PDGFC: variants seen among roughly 807,000 people sequenced by gnomAD.
PDGFC encodes the protein platelet derived growth factor C, also known as platelet-derived growth factor C.
In PDGFC, 12 loss-of-function variants were observed where a neutral mutation model predicts 35.5. The ratio of observed to expected loss-of-function variants is 0.34; its 90% confidence interval spans 0.22 to 0.55. The LOEUF (loss-of-function observed/expected upper bound fraction) is 0.55. Among genes scored for constraint, PDGFC ranks in the 20% least tolerant of loss-of-function variants. PDGFC has a pLI of 0.91. For synonymous variants in PDGFC, 159 were observed against 148.8 expected, an observed-to-expected ratio of 1.07 and a Z score of -0.50; for missense variants, 322 against 412.4, an observed-to-expected ratio of 0.78 and a Z score of 1.90.
intron 1 of PDGFC, among the ~76,000 whole-genome samples, chr4:156,887,645 T>C (rs1183322524): frequency 6.6e-6 from 1 of 152,018 alleles, no homozygotes. Context: ...AAATAGAAAA[T>C]TGAAACTTAT....
Position 156,776,228 on chromosome 4 carries a change from G to GA in PDGFC, c.496-3336dup, listed in dbSNP as rs371204464. On this transcript the variant is annotated intron_variant, in intron 3 of 5. Transcript: ENST00000502773. ...CATTTTCTCCCATAATTAGTATCTA[G>GA]AAAATTCTAACAATACTTTTGATAT... Among the ~76,000 whole-genome samples the GA allele has an allele frequency of 4.2e-3, 645 of 152,286 alleles. 7 individuals are homozygous for GA. Among genetic ancestry groups the GA allele is most frequent in the African/African-American group, 0.015 (613 of 41,554 alleles).
rs540338139 is a variant in PDGFC at position 156,970,915 on chromosome 4, G to C, written c.-12C>G. ...CCGAAGAGGCTCATTTGGCTGACTG[G>C]GGTGAGAGCTCACTCACGGCGGGCA... On this transcript the variant is annotated 5_prime_UTR_variant, in exon 1 of 6. Transcript: ENST00000502773. 1 of 1,570,914 alleles carries C rather than the reference G, an allele frequency of 6.4e-7. No individual in the cohort carries two copies. The highest frequency in any genetic ancestry group is 8.8e-7 in the Non-Finnish European group (1 of 1,141,426).
chr4:156,943,240 C>T (rs1200866171), intron 1 of PDGFC, among the ~76,000 whole-genome samples: 1 of 152,026 alleles, frequency 6.6e-6, no homozygotes, highest in African/African-American at 2.4e-5. Context: ...GGAATTAATA[C>T]CTATGATGTA....
chr4:156,798,570 G>T (rs550471661), intron 3 of PDGFC, among the ~76,000 whole-genome samples: 2 of 152,212 alleles, frequency 1.3e-5, no homozygotes, highest in Non-Finnish European at 2.9e-5. Flanking sequence ...ATCAGTAATA[G>T]GATTAGGATA....
intron 1 of PDGFC, among the ~76,000 whole-genome samples, chr4:156,901,592 T>G (rs1299017501): frequency 6.7e-6 from 1 of 149,708 alleles, no homozygotes. Flanking sequence ...CGGGTATCTA[T>G]TTCATTATTA....
intron 1 of PDGFC, among the ~76,000 whole-genome samples, chr4:156,936,605 G>C (rs1476374045): frequency 1.3e-5 from 2 of 152,030 alleles, no homozygotes; most frequent in Non-Finnish European, 2.9e-5. Context: ...ATCAGGAAAA[G>C]GCAATTGGAA....
chr4:156,791,942 C>T (rs1036340829), intron 3 of PDGFC, among the ~76,000 whole-genome samples: 1 of 152,138 alleles, frequency 6.6e-6, no homozygotes, highest in African/African-American at 2.4e-5. Flanking sequence ...CATGAACTTT[C>T]AAATATATTT....
intron 2 of PDGFC, among the ~76,000 whole-genome samples, chr4:156,829,705 G>A (rs1728877957): frequency 6.6e-6 from 1 of 151,876 alleles, no homozygotes; most frequent in Non-Finnish European, 1.5e-5. Context: ...TGTTACAGAT[G>A]TTATTTCTTA....
At chr4:156,841,943 A>G (rs1470845879) in intron 2 of PDGFC, 1 of 152,204 alleles carries the variant, frequency 6.6e-6, no homozygotes, top group African/African-American at 2.4e-5. Context: ...TTACCTATTC[A>G]GGAAACTTAT....
intron 1 of PDGFC, among the ~76,000 whole-genome samples, chr4:156,913,272 G>T (rs1731081404): frequency 6.6e-6 from 1 of 152,074 alleles, no homozygotes; most frequent in Non-Finnish European, 1.5e-5. Context: ...ATGGTGTCAT[G>T]GTGGTACAGA....
intron 1 of PDGFC, among the ~76,000 whole-genome samples, chr4:156,945,633 T>C (rs1013170086): frequency 2.6e-5 from 4 of 151,916 alleles, no homozygotes; most frequent in Non-Finnish European, 5.9e-5. Flanking sequence ...AGGAAGTGGA[T>C]GCAATGACCT....
chr4:156,881,127 C>T (rs866701311), intron 1 of PDGFC, among the ~76,000 whole-genome samples: 8 of 152,146 alleles, frequency 5.3e-5, no homozygotes, highest in Non-Finnish European at 1.2e-4. Context: ...TTGTTGTCTT[C>T]GTTTAGGAAA....
At chr4:156,808,468 A>T (rs774724286) in intron 3 of PDGFC, among the ~76,000 whole-genome samples, 1 of 152,104 alleles carries the variant, frequency 6.6e-6, no homozygotes, top group East Asian at 1.9e-4. Context: ...ATCCAGAGCA[A>T]AAAGAGAAAA....
At chr4:156,944,542 C>A (rs967635057) in intron 1 of PDGFC, among the ~76,000 whole-genome samples, 1 of 152,130 alleles carries the variant, frequency 6.6e-6, no homozygotes, top group Non-Finnish European at 1.5e-5. Context: ...ATTCATGTGT[C>A]CACTGTTAGC....
At chr4:156,763,361 A>AT (rs1730432723) in intron 5 of PDGFC, among the ~76,000 whole-genome samples, 155 bp from the exon 6 acceptor site, 1 of 117,466 alleles carries the variant, frequency 8.5e-6, no homozygotes, top group Non-Finnish European at 1.7e-5. Flanking sequence ...ACACTCTCCC[A>AT]CCAAAAAAAA....
At chr4:156,964,448 G>GTATA (rs1057183958) in intron 1 of PDGFC, among the ~76,000 whole-genome samples, 1 of 147,078 alleles carries the variant, frequency 6.8e-6, no homozygotes, top group Non-Finnish European at 1.5e-5. Context: ...TATATATACT[G>GTATA]TATATATAGT....
In PDGFC at chr4:156,971,630, T is replaced by C. The variant is rs904757798; in HGVS notation, c.-727A>G. Among the ~76,000 whole-genome samples, 2 of 151,624 alleles carry C rather than the reference T, an allele frequency of 1.3e-5. No individual in the cohort carries two copies. The highest frequency in any genetic ancestry group is 4.8e-5 in the African/African-American group (2 of 41,308). On this transcript the variant is annotated 5_prime_UTR_variant, in exon 1 of 6. Coordinates refer to ENST00000502773, the MANE Select transcript of PDGFC (RefSeq NM_016205.3). ...ACGGATTCCGGCACCTGGCTTGAGTTTTCCGCGACCAAAGTTCACCTTGTT... is the reference window on the plus strand; with the variant it reads ...ACGGATTCCGGCACCTGGCTTGAGTCTTCCGCGACCAAAGTTCACCTTGTT...
chr4:156,802,073 T>C (rs558257996), intron 3 of PDGFC, among the ~76,000 whole-genome samples: 4 of 152,308 alleles, frequency 2.6e-5, no homozygotes, highest in Admixed American at 2.0e-4. Flanking sequence ...TACTCCCTCT[T>C]TCCCCTCTAG....
intron 2 of PDGFC, among the ~76,000 whole-genome samples, chr4:156,834,753 T>C (rs941607011): frequency 6.6e-6 from 1 of 152,098 alleles, no homozygotes; most frequent in Non-Finnish European, 1.5e-5. Flanking sequence ...AATAACTGTT[T>C]TTGGGGAAAA....
Sources: allele counts gnomAD v4.1 joint callset (sites outside exome capture counted in the v4.1 genomes callset), GRCh38; gene constraint gnomAD v4.1.1; transcripts MANE v1.5; gene names NCBI Gene and HGNC (gene_info 2026-07-23, HGNC 2026-07-21).